Variants in TTPAL observed in about 807,000 individuals in gnomAD.
The protein encoded by TTPAL is alpha tocopherol transfer protein like.
In TTPAL, 21 loss-of-function variants were observed where a neutral mutation model predicts 28.7. The observed-to-expected ratio is 0.73, with a 90% CI of 0.52 to 1.06. TTPAL has a LOEUF of 1.06. Among genes scored for constraint, TTPAL ranks in the 50% least tolerant of loss-of-function variants. The pLI is 0.00. For synonymous variants in TTPAL, 169 were observed against 171.9 expected (o/e 0.98, Z 0.13); for missense variants, 345 against 425.5 (o/e 0.81, Z 1.67).
intron 2 of TTPAL, 67 bp from the exon 3 acceptor site, chr20:44,484,269 TA>T: frequency 9.0e-7 from 1 of 1,105,764 alleles, no homozygotes; most frequent in South Asian, 2.6e-5. Flanking sequence ...AGAAAGGAGA[TA>T]AATCTTTGTT....
rs775061928 is a variant in TTPAL at position 44,480,392 on chromosome 20, C to G, written c.393C>G (p.Thr131=). ...LKDVLASGFL[T]VLPHTDPRGC... is the part of the protein sequence containing the mutation. ...ATGTCCTTGCTTCCGGGTTCCTCAC[C>G]GTGCTGCCCCACACTGACCCCAGGG... Residue 131 remains threonine, a synonymous_variant, in exon 2 of 5, where the codon ACC becomes ACG. Coordinates refer to ENST00000262605, the MANE Select transcript of TTPAL (RefSeq NM_001039199.3). The surrounding 1 kb of genome is among the most constrained non-coding windows in gnomAD (Gnocchi z 4.1). The G allele has an allele frequency of 1.2e-6, 2 of 1,613,684 alleles. No homozygotes were observed. Among genetic ancestry groups the G allele is most frequent in the Non-Finnish European group, 1.7e-6 (2 of 1,179,740 alleles).
rs776556002 is a variant in TTPAL at position 44,492,427 on chromosome 20, C to T, written c.*2886C>T. On this transcript the variant is annotated 3_prime_UTR_variant, in exon 5 of 5. Transcript: ENST00000262605. ...GGAAATGGGACAGTAAATTAGGAGA[C>T]GCGGGCTCCACCTTTACCTTACTAC... is the stretch of plus-strand genomic sequence containing the variant. The T allele has an allele frequency of 3.9e-5, 6 of 152,230 alleles. No individual in the cohort carries two copies. The highest frequency in any genetic ancestry group is 1.9e-4 in the East Asian group (1 of 5,330). 9.4% of individuals were successfully genotyped at this position (152,230 alleles called of 1,614,324 possible). A position where few individuals can be genotyped will look rare whatever the true frequency, so the allele number is the denominator to read the frequency against.
intron 4 of TTPAL, 76 bp downstream of exon 4, chr20:44,486,782 T>C: frequency 1.2e-6 from 1 of 843,806 alleles, no homozygotes; most frequent in Non-Finnish European, 1.9e-6. Context: ...TACTTGTTTA[T>C]TATTTTTGCC....
rs151070868 is a variant in TTPAL at position 44,484,841 on chromosome 20, C to T, written c.639+311C>T. Among the ~76,000 whole-genome samples the T allele has an allele frequency of 1.9e-3, 293 of 152,228 alleles. 1 individual carries two copies. Among genetic ancestry groups the T allele is most frequent in the African/African-American group, 6.5e-3 (269 of 41,524 alleles). On this transcript the variant is annotated intron_variant, in intron 3 of 4. Coordinates refer to ENST00000262605, the MANE Select transcript of TTPAL (RefSeq NM_001039199.3). ...CATAACAAACAAAACTGGCTGGGCG[C>T]GGTGGCTCACGCCTGTAATCCAATT...
In TTPAL at chr20:44,490,445, T is replaced by A. The variant is rs534667641; in HGVS notation, c.*904T>A. On this transcript the variant is annotated 3_prime_UTR_variant, in exon 5 of 5. Coordinates refer to ENST00000262605, the MANE Select transcript of TTPAL (RefSeq NM_001039199.3). Reference sequence around the variant, plus strand: ...AGGGCCATTTTGGCTGCTGAGGCTCTGGGATTTGGTTTAGTTACTGAATGT... The same window carrying A: ...AGGGCCATTTTGGCTGCTGAGGCTCAGGGATTTGGTTTAGTTACTGAATGT... 63 of 152,488 alleles carry A rather than the reference T, an allele frequency of 4.1e-4. No individual in the cohort carries two copies. Among genetic ancestry groups the A allele is most frequent in the African/African-American group, 1.4e-3 (59 of 41,574 alleles). The allele number at this position is 152,488 out of a possible 1,614,324, so 9.4% of individuals were successfully genotyped here.
Position 44,475,980 on chromosome 20 carries a change from G to A in TTPAL, c.-27G>A, listed in dbSNP as rs987561003. 3 of 152,330 alleles carry A rather than the reference G, an allele frequency of 2.0e-5. No individual in the cohort carries two copies. The highest frequency in any genetic ancestry group is 4.4e-5 in the Non-Finnish European group (3 of 68,092). The allele number at this position is 152,330 out of a possible 1,614,324, so 9.4% of individuals were successfully genotyped here. A position where few individuals can be genotyped will look rare whatever the true frequency, so the allele number is the denominator to read the frequency against. Reference sequence around the variant, plus strand: ...CCGCCGATTGACCCGCGCTCCGCCCGTAGTCGGGCCGGTGAGTGCCCGCGA... The same window carrying A: ...CCGCCGATTGACCCGCGCTCCGCCCATAGTCGGGCCGGTGAGTGCCCGCGA... On this transcript the variant is annotated 5_prime_UTR_variant, in exon 1 of 5. Coordinates refer to ENST00000262605, the MANE Select transcript of TTPAL (RefSeq NM_001039199.3).
chr20:44,476,637 A>G (rs2064046680), intron 1 of TTPAL, among the ~76,000 whole-genome samples: 2 of 152,212 alleles, frequency 1.3e-5, no homozygotes. Flanking sequence ...CCTTTGTAAA[A>G]TGGCAACAGT....
intron 4 of TTPAL, 145 bp from the exon 5 acceptor site, chr20:44,489,118 T>C: frequency 1.1e-6 from 1 of 878,666 alleles, no homozygotes; most frequent in Non-Finnish European, 1.7e-6. Context: ...CCAGGCTTTC[T>C]GGGCTGAAAA....
chr20:44,485,008 G>A (rs2064139003), intron 3 of TTPAL, among the ~76,000 whole-genome samples: 1 of 152,172 alleles, frequency 6.6e-6, no homozygotes, highest in African/African-American at 2.4e-5. Flanking sequence ...AGCTACTTGG[G>A]AGGCTGAGGC....
rs1380276094 is a variant in TTPAL at position 44,493,615 on chromosome 20, C to T, written c.*4074C>T. ...CCAATTATATACTATATACTATACA[C>T]TGTATCTCCTGTGGCCATGAGAGGT... On this transcript the variant is annotated 3_prime_UTR_variant, in exon 5 of 5. Coordinates refer to ENST00000262605, the MANE Select transcript of TTPAL (RefSeq NM_001039199.3). The T allele has an allele frequency of 6.6e-6, 1 of 152,326 alleles. No homozygotes were observed. Among genetic ancestry groups the T allele is most frequent in the African/African-American group, 2.4e-5 (1 of 41,434 alleles). The allele number at this position is 152,326 out of a possible 1,614,324, so 9.4% of individuals were successfully genotyped here.
rs558671395 is a variant in TTPAL, at chr20:44,489,748, C to T, written c.*207C>T. The T allele has an allele frequency of 5.3e-6, 3 of 564,900 alleles. No homozygotes were observed. In the East Asian group the frequency reaches 8.7e-5, roughly 16 times the overall value. 35.0% of individuals were successfully genotyped at this position (564,900 alleles called of 1,614,324 possible). ...CCATGGAAGACATGGAAAATGTCCC[C>T]ACTGATTCTTAAACATTTGGAATCC... is the stretch of plus-strand genomic sequence containing the variant. On this transcript the variant is annotated 3_prime_UTR_variant, in exon 5 of 5. Transcript: ENST00000262605.
rs1182138961 is a variant in TTPAL at position 44,479,736 on chromosome 20, A to C, written c.-15-249A>C. 1.1e-4 allele frequency among the ~76,000 whole-genome samples: 17 copies of C among 152,270 alleles called. 1 individual carries two copies. In the South Asian group the frequency reaches 3.3e-3, roughly 30 times the overall value. On this transcript the variant is annotated intron_variant, in intron 1 of 4. Transcript: ENST00000262605. ...AGCACCTATTAATACATTTATAAGG[A>C]AGGCCCTGGTGTTTATTAGGGAGTG...
chr20:44,479,363 A>AGAG (rs538304060), intron 1 of TTPAL, among the ~76,000 whole-genome samples: 127 of 149,090 alleles, frequency 8.5e-4, no homozygotes, highest in African/African-American at 2.9e-3. Context: ...CAAGCATATT[A>AGAG]GAGTACGTTT....
In TTPAL at chr20:44,493,897, GT is replaced by G. The variant is rs2064230349; in HGVS notation, c.*4357del. On this transcript the variant is annotated 3_prime_UTR_variant, in exon 5 of 5. Coordinates refer to ENST00000262605, the MANE Select transcript of TTPAL (RefSeq NM_001039199.3). ...ACTAAAAAGTACAAAAATTAGCTGG[GT>G]GTGGTGGTGCGTGCCTGTAATCCCA... is the stretch of plus-strand genomic sequence containing the variant. 6.6e-6 allele frequency: 1 copy of G among 152,326 alleles called. No individual in the cohort carries two copies. The allele number at this position is 152,326 out of a possible 1,614,324, so 9.4% of individuals were successfully genotyped here. A position where few individuals can be genotyped will look rare whatever the true frequency, so the allele number is the denominator to read the frequency against.
intron 2 of TTPAL, among the ~76,000 whole-genome samples, chr20:44,483,140 G>A (rs1365408590): frequency 6.6e-6 from 1 of 152,190 alleles, no homozygotes; most frequent in Admixed American, 6.5e-5. Context: ...TTCCAGGCGT[G>A]AGCCACCACA....
chr20:44,476,230 AG>A (rs1245667301), intron 1 of TTPAL, among the ~76,000 whole-genome samples: 1 of 152,132 alleles, frequency 6.6e-6, no homozygotes, highest in African/African-American at 2.4e-5. Context: ...AGGGGTGGAA[AG>A]GAAAGTGATG....
chr20:44,479,408 T>C (rs913127755), intron 1 of TTPAL, among the ~76,000 whole-genome samples: 10 of 84,320 alleles, frequency 1.2e-4, no homozygotes, highest in African/African-American at 4.1e-4. Context: ...TGTTTTTTTT[T>C]TTTTTTTTTT....
chr20:44,489,112 G>T (rs557427555), intron 4 of TTPAL, 151 bp from the exon 5 acceptor site: 4 of 829,250 alleles, frequency 4.8e-6, no homozygotes, highest in Non-Finnish European at 7.4e-6. Context: ...GATACTCCAG[G>T]CTTTCTGGGC....
At chr20:44,478,845 G>A (rs1345021657) in intron 1 of TTPAL, among the ~76,000 whole-genome samples, 1 of 152,188 alleles carries the variant, frequency 6.6e-6, no homozygotes, top group African/African-American at 2.4e-5. Flanking sequence ...AGGTGGGAGT[G>A]CAGTCATGAT....
Sources: allele counts gnomAD v4.1 joint callset (sites outside exome capture counted in the v4.1 genomes callset), GRCh38; gene constraint gnomAD v4.1.1; non-coding constraint Gnocchi (gnomAD v3.1); transcripts MANE v1.5; gene names NCBI Gene and HGNC (gene_info 2026-07-23, HGNC 2026-07-21).